Variants in DAB1 observed in about 807,000 individuals in gnomAD.
DAB1 encodes DAB adaptor protein 1, also known as disabled homolog 1.
Under a neutral mutation model 64.6 loss-of-function variants are expected in DAB1, and 15 were observed. The ratio of observed to expected loss-of-function variants is 0.23; its 90% CI spans 0.16 to 0.36. The LOEUF (loss-of-function observed/expected upper bound fraction) is 0.36. Among genes scored for constraint, DAB1 ranks in the 10% least tolerant of loss-of-function variants. The probability of loss-of-function intolerance (pLI) is 1.00; values close to 1 mark genes in which losing one functional copy is unlikely to be tolerated. For missense variants in DAB1, 596 were observed against 706.7 expected, an observed-to-expected ratio of 0.84 and a Z score of 1.78; for synonymous variants, 235 against 251.9, an observed-to-expected ratio of 0.93 and a Z score of 0.64.
intron 4 of DAB1, among the ~76,000 whole-genome samples, chr1:58,224,734 G>T (rs1659368080): frequency 6.6e-6 from 1 of 152,192 alleles, no homozygotes; most frequent in South Asian, 2.1e-4. Flanking sequence ...TTAATAAATG[G>T]TGCTGGGAAA....
At chr1:58,294,073 G>A (rs1569611591) in intron 4 of DAB1, among the ~76,000 whole-genome samples, 1 of 152,240 alleles carries the variant, frequency 6.6e-6, no homozygotes, top group South Asian at 2.1e-4. Flanking sequence ...GTCCTTTAGT[G>A]TTTTCTATCT....
At chr1:57,170,627 C>A (rs1661657895) in intron 2 of DAB1, among the ~76,000 whole-genome samples, 1 of 152,110 alleles carries the variant, frequency 6.6e-6, no homozygotes, top group Non-Finnish European at 1.5e-5. Context: ...TTGGCAGGTG[C>A]AGGATTGGAA....
intron 4 of DAB1, among the ~76,000 whole-genome samples, chr1:57,096,899 A>T (rs1293228426): frequency 6.6e-6 from 1 of 152,196 alleles, no homozygotes; most frequent in Non-Finnish European, 1.5e-5. Flanking sequence ...TCAAGCTGGG[A>T]TAACTTTTTC....
chr1:57,263,609 G>A (rs1242297266), intron 2 of DAB1, among the ~76,000 whole-genome samples: 1 of 152,266 alleles, frequency 6.6e-6, no homozygotes, highest in African/African-American at 2.4e-5. Flanking sequence ...TAAAGGATTA[G>A]GATGCTATCT....
At chr1:57,829,595 G>A (rs904673565) in intron 1 of DAB1, among the ~76,000 whole-genome samples, 4 of 152,290 alleles carry the variant, frequency 2.6e-5, no homozygotes, top group Admixed American at 6.5e-5. Context: ...TTTATTGAGA[G>A]CTTCTTGCCA....
At chr1:58,220,199 G>C (rs572942025) in intron 4 of DAB1, among the ~76,000 whole-genome samples, 3 of 152,106 alleles carry the variant, frequency 2.0e-5, no homozygotes, top group Non-Finnish European at 4.4e-5. Flanking sequence ...AATTTTGCAG[G>C]GATATTGTAG....
intron 4 of DAB1, among the ~76,000 whole-genome samples, chr1:58,214,220 A>G (rs1401551239): frequency 6.6e-6 from 1 of 152,152 alleles, no homozygotes; most frequent in Non-Finnish European, 1.5e-5. Flanking sequence ...TATTTGGACT[A>G]TTCTGTCTCC....
At position 58,247,912 on chromosome 1, in the gene DAB1, T is replaced by C. The variant is rs186478055; in HGVS notation, n.309+95440A>G. Among the ~76,000 whole-genome samples, 576 of 151,754 alleles carry C rather than the reference T, an allele frequency of 3.8e-3. 16 individuals are homozygous for C. Among genetic ancestry groups the C allele is most frequent in the Non-Finnish European group, 7.8e-4 (53 of 67,918 alleles). On this transcript the variant is annotated intron_variant and non_coding_transcript_variant, in intron 4 of 20. Transcript: ENST00000485760. ...TCTCTTAGCTCTGCCCCCTACCCAC[T>C]CCTTCCTTTGCCTCTTCCCCTCTCT...
intron 7 of DAB1, among the ~76,000 whole-genome samples, chr1:57,602,032 C>T (rs1212887209): frequency 6.6e-6 from 1 of 152,138 alleles, no homozygotes; most frequent in Non-Finnish European, 1.5e-5. Context: ...TCTCGTATAG[C>T]TTTATAGCTG....
rs1175021391 is a variant in DAB1 at position 57,695,256 on chromosome 1, A to AGAAG, written n.552-45595_552-45592dup. Among the ~76,000 whole-genome samples, 83 of 32,350 alleles carry AGAAG rather than the reference A, an allele frequency of 2.6e-3. 5 individuals are homozygous for AGAAG. Among genetic ancestry groups the AGAAG allele is most frequent in the South Asian group, 0.012 (6 of 482 alleles). 21.2% of individuals were successfully genotyped at this position (32,350 alleles called of 152,430 possible). On this transcript the variant is annotated intron_variant and non_coding_transcript_variant, in intron 6 of 20. Coordinates refer to the DAB1 transcript ENST00000485760. ...AAGAAAGGAAGAAAGAAAGAAAGAA[A>AGAAG]GAAGGAAGGAAGGAAGGAAGGAAGG...
At chr1:57,406,164 G>T (rs1340358402) in intron 1 of DAB1, among the ~76,000 whole-genome samples, 1 of 152,172 alleles carries the variant, frequency 6.6e-6, no homozygotes, top group Admixed American at 6.5e-5. Flanking sequence ...TAGCCCATGA[G>T]GGCAGCTATT....
At chr1:57,568,738 A>C (rs1174985817) in intron 7 of DAB1, among the ~76,000 whole-genome samples, 3 of 152,192 alleles carry the variant, frequency 2.0e-5, no homozygotes, top group African/African-American at 4.8e-5. Context: ...ATACCATCTC[A>C]CACCAGTTAG....
At chr1:57,778,098 G>A (rs1037877814) in intron 6 of DAB1, among the ~76,000 whole-genome samples, 1 of 151,960 alleles carries the variant, frequency 6.6e-6, no homozygotes. Context: ...GAATTGCTTG[G>A]CTTAGAATTC....
In DAB1 at chr1:57,443,136, A is replaced by G. The variant is rs142839457; in HGVS notation, n.626-151970T>C. Among the ~76,000 whole-genome samples, 340 of 152,368 alleles carry G rather than the reference A, an allele frequency of 2.2e-3. 2 individuals are homozygous for G. The highest frequency in any genetic ancestry group is 7.6e-3 in the African/African-American group (316 of 41,588). On this transcript the variant is annotated intron_variant and non_coding_transcript_variant, in intron 7 of 20. Transcript: ENST00000485760. ...TTAACATAGCCTGCCAAATTCTAAA[A>G]GAGGACACTTAATCATTGGGAACCT...
intron 6 of DAB1, among the ~76,000 whole-genome samples, chr1:57,741,608 G>A (rs1647998376): frequency 6.6e-6 from 1 of 152,256 alleles, no homozygotes; most frequent in South Asian, 2.1e-4. Flanking sequence ...TCTCAGAGAA[G>A]TAGGTGAAGG....
chr1:57,743,658 C>T (rs980285961), intron 6 of DAB1, among the ~76,000 whole-genome samples: 1 of 152,110 alleles, frequency 6.6e-6, no homozygotes, highest in African/African-American at 2.4e-5. Context: ...AGGTGTGTGC[C>T]GAGCTTCACC....
At chr1:57,611,625 C>T (rs1256278967) in intron 7 of DAB1, among the ~76,000 whole-genome samples, 1 of 152,130 alleles carries the variant, frequency 6.6e-6, no homozygotes. Context: ...AGCTAGTACA[C>T]TGGCAAGCCA....
chr1:57,998,553 G>A lies in DAB1; in HGVS notation n.388-114391C>T, dbSNP rs140111380. Among the ~76,000 whole-genome samples, 1,289 of 152,074 alleles carry A rather than the reference G, an allele frequency of 8.5e-3. 25 individuals carry two copies. The highest frequency in any genetic ancestry group is 0.083 in the East Asian group (427 of 5,154). ...TAATTTTTGTATCTTTAGTAGAGAC[G>A]GGGTTTCACCATGTTGGCCAGGCTG... On this transcript the variant is annotated intron_variant and non_coding_transcript_variant, in intron 5 of 20. Coordinates refer to the DAB1 transcript ENST00000485760.
Position 57,430,874 on chromosome 1 carries a change from A to G in DAB1, n.626-139708T>C, listed in dbSNP as rs569609005. Among the ~76,000 whole-genome samples the G allele has an allele frequency of 3.3e-5, 5 of 149,826 alleles. No homozygotes were observed. The South Asian group carries it at 1.1e-3, about 32-fold the overall frequency. On this transcript the variant is annotated intron_variant and non_coding_transcript_variant, in intron 7 of 20. Coordinates refer to the DAB1 transcript ENST00000485760. Reference sequence around the variant, plus strand: ...AATATGTTTACTGATTGTTTACTCTATACCAGGCACAATGTTAGGCATTGG... The same window carrying G: ...AATATGTTTACTGATTGTTTACTCTGTACCAGGCACAATGTTAGGCATTGG...
Sources: gnomAD v4.1 joint callset for allele counts (sites outside exome capture counted in the v4.1 genomes callset) on GRCh38, gnomAD v4.1.1 for gene constraint, MANE v1.5 for transcripts, NCBI Gene and HGNC (gene_info 2026-07-23, HGNC 2026-07-21) for gene names.